Variants in SLC4A4 observed in about 807,000 individuals in gnomAD.
SLC4A4 encodes the protein electrogenic sodium bicarbonate cotransporter 1.
A neutral mutation model predicts 111.5 loss-of-function variants in SLC4A4; 27 were observed. That is an observed-to-expected ratio of 0.24 (90% confidence interval 0.18 to 0.33). The LOEUF is 0.33. SLC4A4 is among the 10% of genes least tolerant of loss of function. SLC4A4 has a pLI of 1.00. For missense variants in SLC4A4, 909 were observed against 1,315.5 expected (o/e 0.69, Z 4.78); for synonymous variants, 443 against 463.4 (o/e 0.96, Z 0.57).
At chr4:71,107,423 T>A (rs948814157) in intron 2 of SLC4A4, among the ~76,000 whole-genome samples, 2 of 152,114 alleles carry the variant, frequency 1.3e-5, no homozygotes, top group African/African-American at 4.8e-5. Flanking sequence ...CTCGGCTCAT[T>A]GCAACCTCTG....
chr4:71,440,498 G>A (rs926593737), intron 7 of SLC4A4, 118 bp from the exon 8 acceptor site: 2 of 1,111,878 alleles, frequency 1.8e-6, no homozygotes, highest in Non-Finnish European at 2.7e-6. Flanking sequence ...TTTGTAAAAA[G>A]GAATTTCCTG....
intron 2 of SLC4A4, among the ~76,000 whole-genome samples, chr4:71,123,735 A>G (rs1246394419): frequency 1.3e-5 from 2 of 152,240 alleles, no homozygotes; most frequent in African/African-American, 2.4e-5. Context: ...GTGAACAAGA[A>G]GAATGATCTA....
intron 5 of SLC4A4, among the ~76,000 whole-genome samples, chr4:71,355,954 G>A (rs1730251438): frequency 6.6e-6 from 1 of 152,182 alleles, no homozygotes; most frequent in Admixed American, 6.5e-5. Flanking sequence ...ACCAGAAAGG[G>A]AGCCATGGGA....
intron 18 of SLC4A4, among the ~76,000 whole-genome samples, chr4:71,536,460 A>T (rs1436836151): frequency 6.7e-4 from 35 of 51,954 alleles, no homozygotes; most frequent in African/African-American, 1.9e-3. Flanking sequence ...ATATATACAT[A>T]TATACATATA....
chr4:71,300,699 C>A (rs1443965510), intron 3 of SLC4A4: 2 of 388,626 alleles, frequency 5.1e-6, no homozygotes, highest in African/African-American at 2.1e-5. Context: ...TATGTAGGGG[C>A]ATGGGGCTGG....
chr4:71,421,845 A>G (rs1490476267), intron 7 of SLC4A4, among the ~76,000 whole-genome samples: 1 of 152,098 alleles, frequency 6.6e-6, no homozygotes, highest in Non-Finnish European at 1.5e-5. Context: ...CAGTGTGTAG[A>G]GGGAAATTTA....
rs764612723 is a variant in SLC4A4 at position 71,557,847 on chromosome 4, C to T, written c.2899C>T (p.Leu967Phe). ...GTTGTGTCTGGCCCTGCTTTGGATCCTCAAGTCAACGGTGGCTGCTATCAT... is the reference window on the plus strand; with the variant it reads ...GTTGTGTCTGGCCCTGCTTTGGATCTTCAAGTCAACGGTGGCTGCTATCAT... ...QVLCLALLWILKSTVAAIIFP... is the reference protein window; with the variant it reads ...QVLCLALLWIFKSTVAAIIFP... The change falls in exon 22 of 26, where the codon CTC becomes TTC. Residue 967 changes from leucine (L) to phenylalanine (F), a missense_variant. By Grantham distance (22) the Leu-to-Phe change is conservative. Transcript: ENST00000264485. The T allele has an allele frequency of 3.7e-6, 6 of 1,612,630 alleles. No homozygotes were observed. In the Admixed American group the frequency reaches 5.0e-5, roughly 13 times the overall value.
chr4:71,517,026 TTC>T (rs1305109089), intron 16 of SLC4A4, among the ~76,000 whole-genome samples: 2 of 152,194 alleles, frequency 1.3e-5, no homozygotes, highest in African/African-American at 4.8e-5. Context: ...CTTCAAGATT[TTC>T]TCTTTGTATT....
chr4:71,455,143 AAG>A (rs1206716230), intron 12 of SLC4A4, among the ~76,000 whole-genome samples: 1 of 152,156 alleles, frequency 6.6e-6, no homozygotes, highest in Non-Finnish European at 1.5e-5. Context: ...CTGATCTTCA[AAG>A]AGAGGCTGAA....
At chr4:71,516,252 C>G (rs895995207) in intron 16 of SLC4A4, among the ~76,000 whole-genome samples, 2 of 151,476 alleles carry the variant, frequency 1.3e-5, no homozygotes, top group African/African-American at 4.8e-5. Context: ...CCCGCCACCA[C>G]GCCCGGCTAA....
At chr4:71,237,118 G>A (rs1306508746) in intron 2 of SLC4A4, among the ~76,000 whole-genome samples, 2 of 152,202 alleles carry the variant, frequency 1.3e-5, no homozygotes, top group Non-Finnish European at 2.9e-5. Context: ...TGTTAAGAGT[G>A]ATAATCATGG....
intron 3 of SLC4A4, among the ~76,000 whole-genome samples, chr4:71,306,030 A>G (rs1725655230): frequency 6.6e-6 from 1 of 152,194 alleles, no homozygotes; most frequent in South Asian, 2.1e-4. Context: ...AGTGAATTGG[A>G]TACTGATTTG....
intron 5 of SLC4A4, among the ~76,000 whole-genome samples, chr4:71,354,963 A>G (rs1203092382): frequency 2.0e-5 from 3 of 152,170 alleles, no homozygotes; most frequent in African/African-American, 7.2e-5. Flanking sequence ...CCGAAGGCTT[A>G]ATTTCAGTGT....
intron 1 of SLC4A4, among the ~76,000 whole-genome samples, chr4:71,087,419 A>G (rs1295291269): frequency 6.6e-6 from 1 of 151,720 alleles, no homozygotes; most frequent in Non-Finnish European, 1.5e-5. Context: ...TTCTGCTCTG[A>G]TCTTAGTTAT....
At chr4:71,487,338 A>C (rs1446398448) in intron 15 of SLC4A4, among the ~76,000 whole-genome samples, 1 of 151,716 alleles carries the variant, frequency 6.6e-6, no homozygotes, top group Admixed American at 6.6e-5. Flanking sequence ...AAATGTGAGA[A>C]GTTGGAAAAT....
Position 71,447,750 on chromosome 4 carries a change from A to G in SLC4A4, c.1053+17A>G, listed in dbSNP as rs1329994798. ...TCTGATGAGGTAGGAAATCAGGAAG[A>G]TGGAGTTCTGTGAATGTCCTACTTG... is the stretch of plus-strand genomic sequence containing the variant. On this transcript the variant is annotated intron_variant, in intron 9 of 25. Transcript: ENST00000264485. 2 of 1,513,082 alleles carry G rather than the reference A, an allele frequency of 1.3e-6. No individual in the cohort carries two copies. The highest frequency in any genetic ancestry group is 1.7e-5 in the Admixed American group (1 of 59,618). The allele number at this position is 1,513,082 out of a possible 1,614,324, so 93.7% of individuals were successfully genotyped here. A position where few individuals can be genotyped will look rare whatever the true frequency, so the allele number is the denominator to read the frequency against.
intron 3 of SLC4A4, among the ~76,000 whole-genome samples, chr4:71,335,322 G>A (rs1728343407): frequency 6.6e-6 from 1 of 152,088 alleles, no homozygotes; most frequent in South Asian, 2.1e-4. Flanking sequence ...GAACCACTAC[G>A]ATGAAAAAAG....
chr4:71,402,115 C>A (rs558405999), intron 7 of SLC4A4, among the ~76,000 whole-genome samples: 18 of 152,210 alleles, frequency 1.2e-4, no homozygotes, highest in African/African-American at 4.3e-4. Context: ...AAGTCTTGGT[C>A]TTTTAAGGAA....
intron 15 of SLC4A4, among the ~76,000 whole-genome samples, chr4:71,490,302 C>T (rs1160294051): frequency 6.6e-6 from 1 of 151,722 alleles, no homozygotes; most frequent in African/African-American, 2.4e-5. Context: ...TTGAAAGGAT[C>T]AGTTAGTATT....
Sources: gnomAD v4.1 joint callset for allele counts (sites outside exome capture counted in the v4.1 genomes callset) on GRCh38, gnomAD v4.1.1 for gene constraint, MANE v1.5 for transcripts, NCBI Gene and HGNC (gene_info 2026-07-23, HGNC 2026-07-21) for gene names.